Variants in LNX2 observed in about 807,000 individuals in gnomAD.
LNX2 encodes the protein ligand of numb-protein X 2, also known as ligand of Numb protein X 2.
In LNX2, 35 loss-of-function variants were observed where a neutral mutation model predicts 66.2. The ratio of observed to expected loss-of-function variants is 0.53; its 90% CI spans 0.40 to 0.70. The LOEUF (loss-of-function observed/expected upper bound fraction) is 0.70. Ranked by LOEUF, LNX2 falls within the 30% of genes least tolerant of loss-of-function variation. The pLI is 0.00. For missense variants in LNX2, 791 were observed against 850.8 expected (o/e 0.93, Z 0.87); for synonymous variants, 337 against 315.6 (o/e 1.07, Z -0.72).
chr13:27,570,059 T>C (rs1228217503), intron 2 of LNX2, among the ~76,000 whole-genome samples: 1 of 152,236 alleles, frequency 6.6e-6, no homozygotes, highest in Non-Finnish European at 1.5e-5. Context: ...ATAAAGGCTC[T>C]ATATAACAAA....
chr13:27,553,514 T>C, intron 7 of LNX2, 75 bp from the exon 8 acceptor site: 1 of 1,137,428 alleles, frequency 8.8e-7, no homozygotes, highest in Admixed American at 1.8e-5. Context: ...GTTTATAAAC[T>C]AAGCAACAAA....
intron 1 of LNX2, among the ~76,000 whole-genome samples, chr13:27,583,233 T>TCCTCTCCTATATAA (rs1566124793): frequency 0.11 from 1,854 of 16,620 alleles, 620 homozygotes; most frequent in African/African-American, 0.37. Flanking sequence ...TGTGTGTGTG[T>TCCTCTCCTATATAA]GTGTGTGTGT....
rs1031322428 is a variant in LNX2, at chr13:27,582,601, A to G, written c.-100-798T>C. 1.2e-4 allele frequency among the ~76,000 whole-genome samples: 19 copies of G among 152,316 alleles called. 1 individual carries two copies. Among genetic ancestry groups the G allele is most frequent in the Admixed American group, 5.9e-4 (9 of 15,310 alleles). On this transcript the variant is annotated intron_variant, in intron 1 of 9. Transcript: ENST00000316334. Reference sequence around the variant, plus strand: ...CAATATCAAAGATTGCGTCTTTGAAATGTAGTCTCAAGGATAATTCAGAAT... The same window carrying G: ...CAATATCAAAGATTGCGTCTTTGAAGTGTAGTCTCAAGGATAATTCAGAAT...
At chr13:27,601,834 G>A (rs1418843650) in intron 1 of LNX2, among the ~76,000 whole-genome samples, 1 of 152,130 alleles carries the variant, frequency 6.6e-6, no homozygotes, top group African/African-American at 2.4e-5. Flanking sequence ...TTACAGGCGT[G>A]TTGAACCATT....
At chr13:27,571,124 T>C (rs1202117639) in intron 2 of LNX2, among the ~76,000 whole-genome samples, 2 of 152,054 alleles carry the variant, frequency 1.3e-5, no homozygotes, top group Admixed American at 6.5e-5. Flanking sequence ...AGGCCATAGA[T>C]TGAACCTTTG....
chr13:27,588,773 G>A (rs760305272), intron 1 of LNX2, among the ~76,000 whole-genome samples: 6 of 152,032 alleles, frequency 3.9e-5, no homozygotes, highest in Admixed American at 6.5e-5. Context: ...TATTCATTAT[G>A]TTAGTAATGA....
chr13:27,620,579 G>T (rs1357455049), upstream of LNX2, among the ~76,000 whole-genome samples: 1 of 152,176 alleles, frequency 6.6e-6, no homozygotes, highest in Non-Finnish European at 1.5e-5. Context: ...CGCCCCTGCT[G>T]CCTTCCCGGG....
chr13:27,597,209 A>C (rs1955608242), intron 1 of LNX2, among the ~76,000 whole-genome samples: 1 of 152,208 alleles, frequency 6.6e-6, no homozygotes, highest in Non-Finnish European at 1.5e-5. Context: ...ACGGCACTCA[A>C]TATTTTGAGA....
At chr13:27,591,823 C>T (rs1038950300) in intron 1 of LNX2, among the ~76,000 whole-genome samples, 2 of 152,168 alleles carry the variant, frequency 1.3e-5, no homozygotes, top group Non-Finnish European at 2.9e-5. Context: ...AGGGAAGTCA[C>T]AGTACTGGGA....
At chr13:27,588,021 C>CAAAAAAAAAAAAAAAAAAA (rs56812051) in intron 1 of LNX2, among the ~76,000 whole-genome samples, 5 of 93,532 alleles carry the variant, frequency 5.3e-5, no homozygotes, top group Admixed American at 1.2e-4. Context: ...ACTCTTGTCA[C>CAAAAAAAAAAAAAAAAAAA]AAAAAAAAAA....
chr13:27,580,303 G>A (rs2138390707), intron 2 of LNX2, among the ~76,000 whole-genome samples: 1 of 152,002 alleles, frequency 6.6e-6, no homozygotes, highest in Non-Finnish European at 1.5e-5. Context: ...CATAAAATGA[G>A]GGGGATTAGA....
At chr13:27,581,190 T>C (rs1032012186) in intron 2 of LNX2, 107 bp downstream of exon 2, 12 of 782,780 alleles carry the variant, frequency 1.5e-5, no homozygotes, top group Non-Finnish European at 2.1e-5. Context: ...GATTCACCCA[T>C]TTACTTACTA....
At chr13:27,559,382 T>C (rs1955100918) in intron 6 of LNX2, among the ~76,000 whole-genome samples, 2 of 152,212 alleles carry the variant, frequency 1.3e-5, no homozygotes, top group South Asian at 4.1e-4. Context: ...TCAAAATTCA[T>C]GATTCATATG....
chr13:27,606,420 T>G (rs960438054), intron 1 of LNX2, among the ~76,000 whole-genome samples: 3 of 141,288 alleles, frequency 2.1e-5, no homozygotes, highest in Non-Finnish European at 4.6e-5. Context: ...AAAAAAAGGC[T>G]CAAATAATCA....
At position 27,550,744 on chromosome 13, in the gene LNX2, G is replaced by C. The variant is rs534818162; in HGVS notation, c.1779-253C>G. Among the ~76,000 whole-genome samples, 12 of 152,144 alleles carry C rather than the reference G, an allele frequency of 7.9e-5. 1 individual carries two copies. The South Asian group carries it at 2.5e-3, about 32-fold the overall frequency. On this transcript the variant is annotated intron_variant, in intron 8 of 9. Transcript: ENST00000316334. ...ACACATACACACACACACACAAGTA[G>C]AGAACCTGGTTACAAATTACACCTC...
intron 2 of LNX2, among the ~76,000 whole-genome samples, chr13:27,577,660 G>A (rs1445076349): frequency 6.6e-6 from 1 of 152,126 alleles, no homozygotes; most frequent in Non-Finnish European, 1.5e-5. Flanking sequence ...TTCTCAGCAA[G>A]GAAAGAGGCT....
intron 2 of LNX2, among the ~76,000 whole-genome samples, chr13:27,572,808 A>T (rs558539773): frequency 6.6e-6 from 1 of 152,352 alleles, no homozygotes; most frequent in African/African-American, 2.4e-5. Context: ...TGCAGTAGAA[A>T]CAAAATAAAA....
At chr13:27,554,589 T>C (rs533965807) in intron 7 of LNX2, among the ~76,000 whole-genome samples, 6 of 152,368 alleles carry the variant, frequency 3.9e-5, no homozygotes, top group South Asian at 2.1e-4. Context: ...GGCCAAATCA[T>C]ATTTTGCTGT....
intron 4 of LNX2, 102 bp from the exon 5 acceptor site, chr13:27,562,883 G>C: frequency 8.3e-7 from 1 of 1,205,704 alleles, no homozygotes; most frequent in African/African-American, 1.5e-5. Context: ...TATTGTGAGA[G>C]TGCTAAGTAT....
Sources: allele counts gnomAD v4.1 joint callset (sites outside exome capture counted in the v4.1 genomes callset), GRCh38; gene constraint gnomAD v4.1.1; transcripts MANE v1.5; gene names NCBI Gene and HGNC (gene_info 2026-07-23, HGNC 2026-07-21).